RAB6A: variants seen among roughly 807,000 people sequenced by gnomAD.
RAB6A encodes the protein ras-related protein Rab-6A.
Under a neutral mutation model 32.3 loss-of-function variants are expected in RAB6A, and 8 were observed. The ratio of observed to expected loss-of-function variants is 0.25; its 90% CI spans 0.15 to 0.45. The LOEUF (loss-of-function observed/expected upper bound fraction) is 0.45. Ranked by LOEUF, RAB6A falls within the 20% of genes least tolerant of loss-of-function variation. The pLI, the probability that RAB6A is intolerant of heterozygous loss-of-function variation, is 1.00. For synonymous variants in RAB6A, 73 were observed against 82.1 expected (o/e 0.89, Z 0.60); for missense variants, 104 against 249.4 (o/e 0.42, Z 3.93).
chr11:73,692,283 T>C (rs1945578822), intron 6 of RAB6A, among the ~76,000 whole-genome samples: 1 of 150,570 alleles, frequency 6.6e-6, no homozygotes, highest in African/African-American at 2.4e-5. Context: ...GGTGGGCGGA[T>C]CATGAGGTCA....
At chr11:73,747,729 G>C (rs1240908246) in intron 1 of RAB6A, among the ~76,000 whole-genome samples, 2 of 151,922 alleles carry the variant, frequency 1.3e-5, no homozygotes, top group Non-Finnish European at 2.9e-5. Flanking sequence ...ATTTTCCCTT[G>C]TTTTCATGAC....
chr11:73,741,399 A>G (rs948530256), intron 1 of RAB6A, among the ~76,000 whole-genome samples: 4 of 152,126 alleles, frequency 2.6e-5, no homozygotes, highest in African/African-American at 9.7e-5. Context: ...CGGCCTCCCA[A>G]AGTGCTAAGA....
chr11:73,745,923 C>T (rs567486984), intron 1 of RAB6A, among the ~76,000 whole-genome samples: 37 of 151,940 alleles, frequency 2.4e-4, no homozygotes, highest in Admixed American at 1.5e-3. Flanking sequence ...TCGCTTAAAC[C>T]CTGGAGGCAG....
intron 1 of RAB6A, among the ~76,000 whole-genome samples, chr11:73,750,496 T>C (rs1297251917): frequency 1.3e-5 from 2 of 152,020 alleles, no homozygotes; most frequent in Admixed American, 6.6e-5. Context: ...GCTGGGATTA[T>C]AGGCATGTGC....
intron 6 of RAB6A, among the ~76,000 whole-genome samples, chr11:73,701,405 G>C (rs1364027441): frequency 6.6e-6 from 1 of 152,162 alleles, no homozygotes; most frequent in East Asian, 1.9e-4. Context: ...ATTTACCTCA[G>C]AAAGTCCTGA....
At chr11:73,687,336 TA>T (rs139757012) in intron 6 of RAB6A, among the ~76,000 whole-genome samples, 1 of 152,214 alleles carries the variant, frequency 6.6e-6, no homozygotes, top group Non-Finnish European at 1.5e-5. Flanking sequence ...GAATGTACTT[TA>T]AAAAAATCCT....
intron 2 of RAB6A, among the ~76,000 whole-genome samples, chr11:73,721,170 C>T (rs1371231467): frequency 6.6e-6 from 1 of 152,152 alleles, no homozygotes; most frequent in East Asian, 1.9e-4. Context: ...ATTCTCATCC[C>T]TACTTTTCTC....
chr11:73,689,407 G>A (rs1945509979), intron 6 of RAB6A, among the ~76,000 whole-genome samples: 1 of 152,196 alleles, frequency 6.6e-6, no homozygotes, highest in South Asian at 2.1e-4. Flanking sequence ...AGGAGGCAGA[G>A]CTCAGGCTGT....
chr11:73,760,525 G>A (rs748111798), intron 1 of RAB6A, 41 bp downstream of exon 1: 4 of 1,564,822 alleles, frequency 2.6e-6, no homozygotes, highest in South Asian at 1.2e-5. Flanking sequence ...GTGCGGGGAC[G>A]CTGCGGCCAG....
intron 1 of RAB6A, 140 bp from the exon 2 acceptor site, chr11:73,730,963 G>GC: frequency 1.6e-6 from 1 of 609,538 alleles, no homozygotes; most frequent in Non-Finnish European, 2.9e-6. Context: ...AACCCATATA[G>GC]CCCCAAGATT....
rs756911782 is a variant in RAB6A at position 73,720,796 on chromosome 11, T to C, written c.183+50A>G. ...AATCATTGATAACTTTGATTGCAGT[T>C]TTCTAACCTGGAATGTTGCAGAAAA... On this transcript the variant is annotated intron_variant, in intron 3 of 7. Coordinates refer to ENST00000336083, the MANE Select transcript of RAB6A (RefSeq NM_198896.2). 6.4e-6 allele frequency: 9 copies of C among 1,402,300 alleles called. No homozygotes were observed. In the East Asian group the frequency reaches 1.8e-4, roughly 29 times the overall value. 86.9% of individuals were successfully genotyped at this position (1,402,300 alleles called of 1,614,324 possible).
chr11:73,733,724 T>A (rs951880169), intron 1 of RAB6A, among the ~76,000 whole-genome samples: 1 of 151,996 alleles, frequency 6.6e-6, no homozygotes, highest in Admixed American at 6.6e-5. Context: ...AAAGAATATA[T>A]ACTCTGTAAT....
chr11:73,742,036 C>T (rs1004511009), intron 1 of RAB6A, among the ~76,000 whole-genome samples: 3 of 152,194 alleles, frequency 2.0e-5, no homozygotes, highest in Middle Eastern at 3.4e-3. Context: ...AATTCCAGCA[C>T]GTTGGGAGGC....
chr11:73,728,828 C>A (rs1946263948), intron 2 of RAB6A, among the ~76,000 whole-genome samples: 1 of 151,770 alleles, frequency 6.6e-6, no homozygotes, highest in African/African-American at 2.4e-5. Context: ...GGTGGGTCCT[C>A]TTCTATTTTT....
intron 1 of RAB6A, among the ~76,000 whole-genome samples, chr11:73,747,571 T>C (rs1297679851): frequency 2.0e-5 from 3 of 151,976 alleles, no homozygotes; most frequent in Non-Finnish European, 4.4e-5. Context: ...AACAGTGATA[T>C]AATGTTATTA....
At chr11:73,699,906 A>AT (rs1298474401) in intron 6 of RAB6A, among the ~76,000 whole-genome samples, 1 of 152,146 alleles carries the variant, frequency 6.6e-6, no homozygotes, top group Non-Finnish European at 1.5e-5. Context: ...TACATATACT[A>AT]TTTCAGCCAA....
chr11:73,753,466 C>G (rs1413475288), intron 1 of RAB6A, among the ~76,000 whole-genome samples: 2 of 151,884 alleles, frequency 1.3e-5, no homozygotes. Flanking sequence ...AATCCCAGCA[C>G]TTTGGGAGGC....
intron 6 of RAB6A, among the ~76,000 whole-genome samples, chr11:73,682,179 TGA>T (rs1254599697): frequency 2.6e-5 from 4 of 152,152 alleles, no homozygotes; most frequent in African/African-American, 9.7e-5. Flanking sequence ...ATATTCTAGC[TGA>T]GTGTGGCGAC....
chr11:73,706,344 T>A (rs1945842660), intron 6 of RAB6A, among the ~76,000 whole-genome samples: 1 of 151,478 alleles, frequency 6.6e-6, no homozygotes, highest in Admixed American at 6.6e-5. Flanking sequence ...TGAAACCCCG[T>A]CTCTACTAAA....
Sources: gnomAD v4.1 joint callset for allele counts (sites outside exome capture counted in the v4.1 genomes callset) on GRCh38, gnomAD v4.1.1 for gene constraint, MANE v1.5 for transcripts, NCBI Gene and HGNC (gene_info 2026-07-23, HGNC 2026-07-21) for gene names.